The following PSAT1 variants were observed in gnomAD, a reference collection of about 807,000 sequenced individuals.
The protein encoded by PSAT1 is phosphoserine aminotransferase 1.
Under a neutral mutation model 40.3 loss-of-function variants are expected in PSAT1, and 41 were observed. The observed-to-expected ratio is 1.02, with a 90% confidence interval of 0.79 to 1.32. The LOEUF is 1.32. Among genes scored for constraint, PSAT1 ranks in the 40% most tolerant of loss-of-function variants. The pLI, the probability that PSAT1 is intolerant of heterozygous loss-of-function variation, is 0.00. For missense variants in PSAT1, 406 were observed against 455.8 expected, an observed-to-expected ratio of 0.89 and a Z score of 0.99; for synonymous variants, 147 against 170.5, an observed-to-expected ratio of 0.86 and a Z score of 1.07.
intron 7 of PSAT1, among the ~76,000 whole-genome samples, chr9:78,326,955 A>ATATTTTTCTTT: frequency 1.3e-5 from 1 of 75,964 alleles, no homozygotes; most frequent in Admixed American, 1.8e-4. Context: ...ATATATATAT[A>ATATTTTTCTTT]TTTTTTTTTT....
At chr9:78,303,910 T>G (rs73451055) in intron 3 of PSAT1, among the ~76,000 whole-genome samples, 175 of 152,350 alleles carry the variant, frequency 1.1e-3, no homozygotes, top group African/African-American at 3.8e-3. Context: ...CTTTTGGAGC[T>G]GGGCTTATTT....
intron 7 of PSAT1, among the ~76,000 whole-genome samples, chr9:78,325,677 T>C (rs951476915): frequency 6.6e-6 from 1 of 152,216 alleles, no homozygotes; most frequent in Admixed American, 6.5e-5. Context: ...TGTGATTCCC[T>C]CCGGAGCCAT....
At chr9:78,300,316 G>A (rs911756026) in intron 1 of PSAT1, among the ~76,000 whole-genome samples, 5 of 152,230 alleles carry the variant, frequency 3.3e-5, no homozygotes, top group Non-Finnish European at 7.3e-5. Flanking sequence ...AGTGGTGAAT[G>A]AGATTTGTGA....
chr9:78,299,144 C>CAAAAA (rs71360679), intron 1 of PSAT1, among the ~76,000 whole-genome samples: 8 of 87,308 alleles, frequency 9.2e-5, no homozygotes, highest in African/African-American at 1.4e-4. Flanking sequence ...TGTCTCTTAA[C>CAAAAA]AAAAAAAAAA....
chr9:78,317,941 C>A, intron 7 of PSAT1, 137 bp downstream of exon 7: 2 of 1,116,686 alleles, frequency 1.8e-6, no homozygotes, highest in Non-Finnish European at 2.7e-6. Flanking sequence ...TGGTCCTGGG[C>A]CCCATGAGCA....
chr9:78,309,079 C>G lies in PSAT1; in HGVS notation c.740+496C>G, dbSNP rs1348962948. Among the ~76,000 whole-genome samples the G allele has an allele frequency of 2.0e-5, 3 of 152,254 alleles. No homozygotes were observed. The East Asian group carries it at 5.8e-4, about 29-fold the overall frequency. ...ATCAGATTCTCTGCCCAGCTCACCT[C>G]TCCCTCTGCACCATCTCTTTACCAT... On this transcript the variant is annotated intron_variant, in intron 6 of 8. Coordinates refer to ENST00000376588, the MANE Select transcript of PSAT1 (RefSeq NM_058179.4).
chr9:78,320,179 A>T (rs533030887), intron 7 of PSAT1, among the ~76,000 whole-genome samples: 1 of 150,786 alleles, frequency 6.6e-6, no homozygotes, highest in Non-Finnish European at 1.5e-5. Flanking sequence ...CTATTCACCC[A>T]TCTACCCATT....
intron 7 of PSAT1, 127 bp from the exon 8 acceptor site, chr9:78,327,919 TTTTTG>T: frequency 1.1e-6 from 1 of 938,382 alleles, no homozygotes; most frequent in Admixed American, 2.3e-5. Context: ...TGGGGCAGAT[TTTTTG>T]TTTTTTGTTT....
At position 78,326,955 on chromosome 9, in the gene PSAT1, A is replaced by ATTTTTTTTTTTTTTT. The variant is rs1554688170; in HGVS notation, c.870-1092_870-1078dup. ...CAGCAATATATATATATATATATAT[A>ATTTTTTTTTTTTTTT]TTTTTTTTTTTTTTTTTTGAGACAG... On this transcript the variant is annotated intron_variant, in intron 7 of 8. Transcript: ENST00000376588. Among the ~76,000 whole-genome samples the ATTTTTTTTTTTTTTT allele has an allele frequency of 1.2e-4, 9 of 75,930 alleles. 1 individual carries two copies. The highest frequency in any genetic ancestry group is 4.2e-4 in the East Asian group (1 of 2,372). 49.8% of individuals were successfully genotyped at this position (75,930 alleles called of 152,430 possible).
Position 78,329,333 on chromosome 9 carries a change from C to G in PSAT1, c.*247C>G. On this transcript the variant is annotated 3_prime_UTR_variant, in exon 9 of 9. Coordinates refer to ENST00000376588, the MANE Select transcript of PSAT1 (RefSeq NM_058179.4). ...AATCTTGTTGCTTTTCTAACAAATT[C>G]CCGCGTATTTTGCCTTTGCTGCTAC... is the stretch of plus-strand genomic sequence containing the variant. The G allele has an allele frequency of 2.0e-6, 1 of 496,184 alleles. No individual in the cohort carries two copies. Among genetic ancestry groups the G allele is most frequent in the Non-Finnish European group, 3.7e-6 (1 of 273,710 alleles). The allele number at this position is 496,184 out of a possible 1,614,324, so 30.7% of individuals were successfully genotyped here.
chr9:78,326,557 C>T (rs1434910324), intron 7 of PSAT1, among the ~76,000 whole-genome samples: 1 of 151,858 alleles, frequency 6.6e-6, no homozygotes, highest in Non-Finnish European at 1.5e-5. Context: ...ACTATGTACC[C>T]AGAAAAATTT....
At chr9:78,302,219 TG>T in intron 3 of PSAT1, among the ~76,000 whole-genome samples, 196 bp downstream of exon 3, 1 of 152,362 alleles carries the variant, frequency 6.6e-6, no homozygotes, top group Non-Finnish European at 1.5e-5. Context: ...TATATGTTTT[TG>T]TTTTTATTTT....
Position 78,308,694 on chromosome 9 carries a change from A to G in PSAT1, c.740+111A>G, listed in dbSNP as rs2039324. 0.28 allele frequency: 354,535 copies of G among 1,285,164 alleles called. 51,250 individuals carry two copies. Among genetic ancestry groups the G allele is most frequent in the East Asian group, 0.41 (16,473 of 40,246 alleles). The allele number at this position is 1,285,164 out of a possible 1,614,324, so 79.6% of individuals were successfully genotyped here. On this transcript the variant is annotated intron_variant, in intron 6 of 8. Coordinates refer to ENST00000376588, the MANE Select transcript of PSAT1 (RefSeq NM_058179.4). Reference sequence around the variant, plus strand: ...TGTAAGCCTGGGCGCGGTGGCTCACACCTGTAATCTTAGCAATTTGGGAGG... The same window carrying G: ...TGTAAGCCTGGGCGCGGTGGCTCACGCCTGTAATCTTAGCAATTTGGGAGG...
At chr9:78,303,323 C>G (rs759685333) in intron 3 of PSAT1, among the ~76,000 whole-genome samples, 1 of 152,202 alleles carries the variant, frequency 6.6e-6, no homozygotes, top group African/African-American at 2.4e-5. Flanking sequence ...CTTGGCTTCT[C>G]TCGTCCATTG....
chr9:78,328,213 C>T, intron 8 of PSAT1, 25 bp downstream of exon 8: 1 of 1,613,840 alleles, frequency 6.2e-7, no homozygotes, highest in Non-Finnish European at 8.5e-7. Flanking sequence ...AATGCACGAG[C>T]TTGGCAAAGA....
chr9:78,320,689 GTCCATCCATCCA>G (rs1828417761), intron 7 of PSAT1, among the ~76,000 whole-genome samples: 1 of 37,864 alleles, frequency 2.6e-5, no homozygotes, highest in Non-Finnish European at 9.1e-5. Context: ...CCATCCAACC[GTCCATCCATCCA>G]TAAAATGGCT....
chr9:78,307,600 A>G (rs1235611115), intron 5 of PSAT1, among the ~76,000 whole-genome samples: 1 of 152,198 alleles, frequency 6.6e-6, no homozygotes, highest in South Asian at 2.1e-4. Flanking sequence ...TGTATCTTGC[A>G]CAACAGAATT....
intron 3 of PSAT1, among the ~76,000 whole-genome samples, chr9:78,302,615 T>C (rs1828122875): frequency 6.6e-6 from 1 of 151,810 alleles, no homozygotes; most frequent in South Asian, 2.1e-4. Context: ...ATACCTGTAT[T>C]CCCAGCTATT....
intron 6 of PSAT1, among the ~76,000 whole-genome samples, chr9:78,314,721 C>T (rs980196732): frequency 3.9e-5 from 6 of 152,178 alleles, no homozygotes; most frequent in South Asian, 2.1e-4. Context: ...TCATGGGCGG[C>T]GAGTGTGAGC....
Sources: allele counts gnomAD v4.1 joint callset (sites outside exome capture counted in the v4.1 genomes callset), GRCh38; gene constraint gnomAD v4.1.1; transcripts MANE v1.5; gene names NCBI Gene and HGNC (gene_info 2026-07-23, HGNC 2026-07-21).